The following CFAP61 variants were observed in gnomAD, a reference collection of about 807,000 sequenced individuals.
CFAP61 encodes cilia- and flagella-associated protein 61.
In CFAP61, 107 loss-of-function variants were observed where a neutral mutation model predicts 135.6. That is an observed-to-expected ratio of 0.79 (90% CI 0.67 to 0.93). CFAP61 has a LOEUF of 0.93. CFAP61 is among the 40% of genes least tolerant of loss of function. The pLI is 0.00. For synonymous variants in CFAP61, 575 were observed against 578.5 expected (o/e 0.99, Z 0.09); for missense variants, 1,507 against 1,556.2 (o/e 0.97, Z 0.53).
chr20:20,140,463 C>T (rs1359904678), intron 8 of CFAP61, among the ~76,000 whole-genome samples: 6 of 150,398 alleles, frequency 4.0e-5, no homozygotes, highest in Admixed American at 1.3e-4. Context: ...TTTGTCCTTG[C>T]GATAGTTTAC....
rs1256515696 is a variant in CFAP61 at position 20,341,741 on chromosome 20, G to T, written c.3423-90G>T. ...AAACGATTGCAATGAGGCCAGAACTGTAATTTATAAAGGCAAAAAAGCAGG... is the reference window on the plus strand; with the variant it reads ...AAACGATTGCAATGAGGCCAGAACTTTAATTTATAAAGGCAAAAAAGCAGG... On this transcript the variant is annotated intron_variant, in intron 25 of 26. Transcript: ENST00000245957. The T allele has an allele frequency of 1.0e-5, 9 of 894,656 alleles. No homozygotes were observed. The East Asian group carries it at 2.2e-4, about 22-fold the overall frequency. The allele number at this position is 894,656 out of a possible 1,614,324, so 55.4% of individuals were successfully genotyped here.
At chr20:20,347,944 A>G (rs111607049) in intron 26 of CFAP61, among the ~76,000 whole-genome samples, 4 of 151,340 alleles carry the variant, frequency 2.6e-5, no homozygotes, top group African/African-American at 9.7e-5. Context: ...AAAAAAAAAA[A>G]AAAAAAAAAT....
chr20:20,125,520 A>G (rs2146706044), intron 8 of CFAP61, among the ~76,000 whole-genome samples: 1 of 151,806 alleles, frequency 6.6e-6, no homozygotes. Flanking sequence ...ACATACTTGC[A>G]TGGTTTTGAA....
chr20:20,276,338 C>T (rs1014458550), intron 21 of CFAP61, among the ~76,000 whole-genome samples: 24 of 150,412 alleles, frequency 1.6e-4, no homozygotes, highest in Admixed American at 1.5e-3. Context: ...AATGAGTCTA[C>T]AGCAGTTTAT....
intron 9 of CFAP61, among the ~76,000 whole-genome samples, chr20:20,147,926 C>T (rs2052039638): frequency 6.6e-6 from 1 of 152,164 alleles, no homozygotes; most frequent in South Asian, 2.1e-4. Flanking sequence ...TTGATTTTTG[C>T]ATAAGGTGAG....
chr20:20,284,087 C>T (rs890973474), intron 22 of CFAP61, among the ~76,000 whole-genome samples: 1 of 152,148 alleles, frequency 6.6e-6, no homozygotes, highest in Non-Finnish European at 1.5e-5. Flanking sequence ...ATTTAAAGTA[C>T]TTAGACCATT....
chr20:20,135,627 C>T (rs887961895), intron 8 of CFAP61, among the ~76,000 whole-genome samples: 1 of 152,156 alleles, frequency 6.6e-6, no homozygotes, highest in African/African-American at 2.4e-5. Context: ...CAAACAACAA[C>T]TAACAAGCAA....
At chr20:20,090,762 A>C in intron 6 of CFAP61, 82 bp from the exon 7 acceptor site, 3 of 1,418,108 alleles carry the variant, frequency 2.1e-6, no homozygotes, top group Non-Finnish European at 2.9e-6. Context: ...CACTTAGAAC[A>C]GGGTCTGGCA....
chr20:20,090,632 A>G (rs531990623), intron 6 of CFAP61, among the ~76,000 whole-genome samples: 1 of 145,878 alleles, frequency 6.9e-6, no homozygotes, highest in Non-Finnish European at 1.5e-5. Context: ...AGAGGTTGCA[A>G]TGAGCCGAGA....
chr20:20,198,960 A>G (rs1010220994), intron 16 of CFAP61, among the ~76,000 whole-genome samples: 3 of 152,226 alleles, frequency 2.0e-5, no homozygotes, highest in Non-Finnish European at 2.9e-5. Context: ...TCAGATTTAA[A>G]TGGTTACGAT....
Position 20,290,729 on chromosome 20 carries a change from C to T in CFAP61, c.3216+338C>T, listed in dbSNP as rs534393268. Among the ~76,000 whole-genome samples the T allele has an allele frequency of 1.6e-4, 25 of 152,278 alleles. No homozygotes were observed. In the South Asian group the frequency reaches 4.8e-3, roughly 29 times the overall value. ...GACTTGCTGCCATGCTGTAGGGACG[C>T]CTTTAGAGAGGTCCATGTGGCAAGG... On this transcript the variant is annotated intron_variant, in intron 24 of 26. Coordinates refer to ENST00000245957, the MANE Select transcript of CFAP61 (RefSeq NM_015585.4).
intron 8 of CFAP61, among the ~76,000 whole-genome samples, chr20:20,116,180 G>GA (rs1759097598): frequency 6.6e-6 from 1 of 152,072 alleles, no homozygotes; most frequent in East Asian, 1.9e-4. Context: ...TTGCATCTCT[G>GA]TGATGATTAG....
chr20:20,177,151 TA>T lies in CFAP61; in HGVS notation c.1385+7692del, dbSNP rs1310634477. Among the ~76,000 whole-genome samples the T allele has an allele frequency of 2.2e-4, 33 of 152,290 alleles. 1 individual carries two copies. Among genetic ancestry groups the T allele is most frequent in the African/African-American group, 7.2e-4 (30 of 41,568 alleles). On this transcript the variant is annotated intron_variant, in intron 13 of 26. Coordinates refer to ENST00000245957, the MANE Select transcript of CFAP61 (RefSeq NM_015585.4). The stretch of plus-strand genomic sequence containing the variant: ...ATATGTGGACTATAACAGTTTTACA[TA>T]TTTTTTTTCTATTTATACCAAGTAA...
chr20:20,276,598 C>G (rs979160870), intron 21 of CFAP61, among the ~76,000 whole-genome samples: 3 of 152,172 alleles, frequency 2.0e-5, no homozygotes, highest in Non-Finnish European at 2.9e-5. Flanking sequence ...TTCAGTCCCT[C>G]TAGCTAGGTC....
intron 6 of CFAP61, chr20:20,085,413 A>G: frequency 7.3e-7 from 1 of 1,362,296 alleles, no homozygotes. Context: ...CAATTACCCC[A>G]AGGAATGCAT....
chr20:20,160,655 GAA>G (rs2053319996), intron 10 of CFAP61, among the ~76,000 whole-genome samples: 1 of 151,718 alleles, frequency 6.6e-6, no homozygotes, highest in African/African-American at 2.4e-5. Flanking sequence ...TGTGCTGTCA[GAA>G]AGAGAAAGCA....
Position 20,177,756 on chromosome 20 carries a change from G to A in CFAP61, c.1385+8296G>A, listed in dbSNP as rs537591017. Among the ~76,000 whole-genome samples the A allele has an allele frequency of 2.6e-5, 4 of 151,280 alleles. No homozygotes were observed. The South Asian group carries it at 8.5e-4, about 32-fold the overall frequency. ...CAGTATATAGGCACTAAGGGCGAACGTGAAGAGTATAGCAGGTGTGGAGAG... is the reference window on the plus strand; with the variant it reads ...CAGTATATAGGCACTAAGGGCGAACATGAAGAGTATAGCAGGTGTGGAGAG... On this transcript the variant is annotated intron_variant, in intron 13 of 26. Coordinates refer to ENST00000245957, the MANE Select transcript of CFAP61 (RefSeq NM_015585.4).
intron 20 of CFAP61, among the ~76,000 whole-genome samples, chr20:20,262,326 T>G (rs2052310845): frequency 6.6e-6 from 1 of 152,120 alleles, no homozygotes; most frequent in Admixed American, 6.5e-5. Context: ...CTATTGGCTC[T>G]CTCTTTCTCA....
At chr20:20,239,869 A>T (rs1327903) in intron 18 of CFAP61, among the ~76,000 whole-genome samples, 1 of 152,162 alleles carries the variant, frequency 6.6e-6, no homozygotes, top group East Asian at 1.9e-4. Context: ...CTCAAGCCAG[A>T]GAGACAAACC....
Sources: gnomAD v4.1 joint callset for allele counts (sites outside exome capture counted in the v4.1 genomes callset) on GRCh38, gnomAD v4.1.1 for gene constraint, MANE v1.5 for transcripts, NCBI Gene and HGNC (gene_info 2026-07-23, HGNC 2026-07-21) for gene names.